Variants in MYO3A observed in about 807,000 individuals in gnomAD.
The protein encoded by MYO3A is myosin IIIA.
A neutral mutation model predicts 192.7 loss-of-function variants in MYO3A; 180 were observed. The observed-to-expected ratio is 0.93, with a 90% CI of 0.83 to 1.06. The LOEUF is 1.06. MYO3A is among the 50% of genes least tolerant of loss of function. MYO3A has a pLI of 0.00. For missense variants in MYO3A, 1,896 were observed against 1,905.0 expected, an observed-to-expected ratio of 1.00 and a Z score of 0.09; for synonymous variants, 628 against 645.3, an observed-to-expected ratio of 0.97 and a Z score of 0.41.
chr10:26,161,586 G>A lies in MYO3A; in HGVS notation c.2999+4071G>A, dbSNP rs929227997. ...CCCAACTCTGCCACTTACTAAATCT[G>A]TGGCCTTATTCAAAGTTACTTGAGT... On this transcript the variant is annotated intron_variant, in intron 26 of 34. Coordinates refer to ENST00000642920, the MANE Select transcript of MYO3A (RefSeq NM_017433.5). 2.6e-5 allele frequency among the ~76,000 whole-genome samples: 4 copies of A among 152,088 alleles called. No homozygotes were observed. In the East Asian group the frequency reaches 7.7e-4, roughly 29 times the overall value.
Position 26,128,464 on chromosome 10 carries a change from G to A in MYO3A, c.2188G>A (p.Glu730Lys), listed in dbSNP as rs138617479. The A allele has an allele frequency of 8.7e-6, 14 of 1,612,320 alleles. No homozygotes were observed. The highest frequency in any genetic ancestry group is 1.3e-5 in the African/African-American group (1 of 74,950). The change falls in exon 20 of 35, where the codon GAG becomes AAG. Residue 730 changes from glutamate to lysine, a missense_variant. Coordinates refer to ENST00000642920, the MANE Select transcript of MYO3A (RefSeq NM_017433.5). ...TGAAAATTTCAAAAAAAATTCCTTC[G>A]AGCAGCTGTGCATTAACATTGCAAA... The part of the protein sequence containing the change: ...GFENFKKNSF[E>K]QLCINIANEQ...
At chr10:25,934,485 C>A (rs1835910181) in intron 1 of MYO3A, among the ~76,000 whole-genome samples, 157 bp downstream of exon 1, 2 of 152,062 alleles carry the variant, frequency 1.3e-5, no homozygotes, top group Non-Finnish European at 2.9e-5. Context: ...CCCGCCCGCC[C>A]AGGTCAGATC....
At chr10:25,990,930 G>A (rs564965119) in intron 4 of MYO3A, among the ~76,000 whole-genome samples, 1 of 152,050 alleles carries the variant, frequency 6.6e-6, no homozygotes, top group African/African-American at 2.4e-5. Flanking sequence ...CATTTGGGTT[G>A]GTTCCAAGTC....
intron 17 of MYO3A, 107 bp downstream of exon 17, chr10:26,096,789 A>C: frequency 1.3e-6 from 1 of 780,518 alleles, no homozygotes; most frequent in Non-Finnish European, 2.2e-6. Context: ...AGTGCTTTAC[A>C]TAAATTGAAA....
chr10:26,145,386 C>G, intron 21 of MYO3A, 60 bp from the exon 22 acceptor site: 1 of 1,150,138 alleles, frequency 8.7e-7, no homozygotes, highest in Non-Finnish European at 1.3e-6. Context: ...AAATAATTTT[C>G]GCAGTATTTT....
chr10:25,963,484 G>A (rs932605229), intron 4 of MYO3A, among the ~76,000 whole-genome samples: 9 of 152,264 alleles, frequency 5.9e-5, no homozygotes, highest in African/African-American at 1.9e-4. Flanking sequence ...TACTGCCCTG[G>A]AGGATAACAT....
At chr10:26,091,267 A>G (rs1192234815) in intron 15 of MYO3A, among the ~76,000 whole-genome samples, 3 of 152,128 alleles carry the variant, frequency 2.0e-5, no homozygotes, top group African/African-American at 4.8e-5. Flanking sequence ...GCCTCTGGCG[A>G]TGTCATCCCA....
intron 15 of MYO3A, among the ~76,000 whole-genome samples, chr10:26,091,060 C>G (rs1286635380): frequency 6.6e-6 from 1 of 152,186 alleles, no homozygotes; most frequent in Non-Finnish European, 1.5e-5. Context: ...TTCCTATTGG[C>G]TGAACCCATA....
At chr10:26,002,812 C>A (rs927081792) in intron 6 of MYO3A, among the ~76,000 whole-genome samples, 1 of 152,098 alleles carries the variant, frequency 6.6e-6, no homozygotes, top group African/African-American at 2.4e-5. Flanking sequence ...ATTTAGAATT[C>A]ATATCTAACA....
At chr10:26,044,998 C>T (rs1171201712) in intron 10 of MYO3A, among the ~76,000 whole-genome samples, 2 of 152,214 alleles carry the variant, frequency 1.3e-5, no homozygotes, top group Non-Finnish European at 2.9e-5. Context: ...CCCAGAGCCT[C>T]AGCAGCAGAG....
chr10:26,063,763 C>CA (rs1834646674), intron 10 of MYO3A, among the ~76,000 whole-genome samples: 1 of 152,006 alleles, frequency 6.6e-6, no homozygotes, highest in Non-Finnish European at 1.5e-5. Flanking sequence ...ACAACAAGAA[C>CA]AAAATGACAG....
rs1171156038 is a variant in MYO3A at position 26,195,550 on chromosome 10, G to A, written c.4545+2239G>A. On this transcript the variant is annotated intron_variant, in intron 32 of 34. Transcript: ENST00000642920. Reference sequence around the variant, plus strand: ...AAGATATGAAGGCCTGTCAAAATCTGGGCCTGCTCACCTTTCCAGCCTCTG... The same window carrying A: ...AAGATATGAAGGCCTGTCAAAATCTAGGCCTGCTCACCTTTCCAGCCTCTG... Among the ~76,000 whole-genome samples, 3 of 152,082 alleles carry A rather than the reference G, an allele frequency of 2.0e-5. No individual in the cohort carries two copies. The East Asian group carries it at 5.8e-4, about 29-fold the overall frequency.
intron 17 of MYO3A, among the ~76,000 whole-genome samples, chr10:26,117,832 A>G (rs1379910337): frequency 2.6e-5 from 4 of 152,148 alleles, no homozygotes; most frequent in African/African-American, 9.7e-5. Context: ...TAATAGAAAA[A>G]TTTATATTCT....
intron 2 of MYO3A, among the ~76,000 whole-genome samples, chr10:25,936,539 C>G (rs928095987): frequency 2.0e-5 from 3 of 152,086 alleles, no homozygotes; most frequent in African/African-American, 7.2e-5. Flanking sequence ...AACTCCCTCC[C>G]CCTAGTAATA....
chr10:26,172,360 C>G (rs986656184), intron 29 of MYO3A, among the ~76,000 whole-genome samples: 1 of 152,206 alleles, frequency 6.6e-6, no homozygotes, highest in Non-Finnish European at 1.5e-5. Context: ...CAGAAGAGAT[C>G]GCCAGTCCTC....
chr10:26,034,909 GT>G (rs894982741), intron 10 of MYO3A, among the ~76,000 whole-genome samples: 38 of 147,232 alleles, frequency 2.6e-4, no homozygotes, highest in African/African-American at 6.4e-4. Flanking sequence ...ATGTTTTTGT[GT>G]TTTTTTTACA....
In MYO3A at chr10:26,176,476, G is replaced by C. The variant is rs553431005; in HGVS notation, c.4294-225G>C. ...ATTCTGCATGTAGCATGACGTGCTT[G>C]GCAGTTTTAAAGAAAAATGTGAGAT... On this transcript the variant is annotated intron_variant, in intron 30 of 34. Coordinates refer to ENST00000642920, the MANE Select transcript of MYO3A (RefSeq NM_017433.5). Among the ~76,000 whole-genome samples the C allele has an allele frequency of 2.0e-5, 3 of 152,302 alleles. No individual in the cohort carries two copies. In the South Asian group the frequency reaches 6.2e-4, roughly 32 times the overall value.
At chr10:26,207,211 T>G (rs1844007363) in intron 34 of MYO3A, among the ~76,000 whole-genome samples, 1 of 152,160 alleles carries the variant, frequency 6.6e-6, no homozygotes, top group Non-Finnish European at 1.5e-5. Context: ...GTGCAGAAGC[T>G]TTTTAGTTTG....
intron 18 of MYO3A, among the ~76,000 whole-genome samples, chr10:26,124,742 A>G (rs538323178): frequency 3.3e-5 from 5 of 152,358 alleles, no homozygotes; most frequent in African/African-American, 1.2e-4. Flanking sequence ...ACGGAATTAA[A>G]GTGTTACTAA....
Sources: allele counts gnomAD v4.1 joint callset (sites outside exome capture counted in the v4.1 genomes callset), GRCh38; gene constraint gnomAD v4.1.1; transcripts MANE v1.5; gene names NCBI Gene and HGNC (gene_info 2026-07-23, HGNC 2026-07-21).